NAALADL2: variants seen among roughly 807,000 people sequenced by gnomAD.
NAALADL2 encodes the protein inactive N-acetylated-alpha-linked acidic dipeptidase-like protein 2.
NAALADL2 carries 76 observed loss-of-function variants against 87.2 expected under a neutral mutation model. The observed-to-expected ratio is 0.87, with a 90% CI of 0.72 to 1.05. The LOEUF is 1.05. Ranked by LOEUF, NAALADL2 falls within the 50% of genes least tolerant of loss-of-function variation. The pLI is 0.00. For missense variants in NAALADL2, 1,089 were observed against 945.8 expected (o/e 1.15, Z -1.99); for synonymous variants, 354 against 331.0 (o/e 1.07, Z -0.75).
At chr3:175,319,590 C>G (rs144839215) in intron 4 of NAALADL2, among the ~76,000 whole-genome samples, 1 of 152,080 alleles carries the variant, frequency 6.6e-6, no homozygotes, top group African/African-American at 2.4e-5. Context: ...GAGGCCGAGT[C>G]GGCAATATCA....
At chr3:175,618,702 C>CT (rs1422884609) in intron 10 of NAALADL2, among the ~76,000 whole-genome samples, 1 of 152,074 alleles carries the variant, frequency 6.6e-6, no homozygotes, top group African/African-American at 2.4e-5. Flanking sequence ...CTTTTCTTCT[C>CT]TTTTTTTCCC....
At chr3:175,398,393 C>T (rs1383712438) in intron 5 of NAALADL2, among the ~76,000 whole-genome samples, 4 of 148,852 alleles carry the variant, frequency 2.7e-5, no homozygotes, top group African/African-American at 5.0e-5. Flanking sequence ...CGGATTGCCC[C>T]GGTCCTTTAA....
At chr3:175,398,695 G>T (rs1377692151) in intron 5 of NAALADL2, among the ~76,000 whole-genome samples, 1 of 151,908 alleles carries the variant, frequency 6.6e-6, no homozygotes, top group Non-Finnish European at 1.5e-5. Context: ...CTGTTTCCTG[G>T]AATTACATCG....
intron 1 of NAALADL2, among the ~76,000 whole-genome samples, chr3:174,901,744 T>C (rs2108259942): frequency 6.6e-6 from 1 of 152,266 alleles, no homozygotes; most frequent in African/African-American, 2.4e-5. Context: ...AGTGGGTGAT[T>C]TGGTGTACTT....
chr3:174,893,504 TAGTC>T (rs557703032), intron 1 of NAALADL2, among the ~76,000 whole-genome samples: 66 of 152,216 alleles, frequency 4.3e-4, no homozygotes, highest in African/African-American at 1.2e-3. Flanking sequence ...TTTCAAGACA[TAGTC>T]AGTACAATAA....
At chr3:175,385,977 C>T (rs1238698209) in intron 5 of NAALADL2, among the ~76,000 whole-genome samples, 3 of 151,820 alleles carry the variant, frequency 2.0e-5, no homozygotes, top group Admixed American at 6.6e-5. Context: ...ACCAATGGCC[C>T]CTCAGATAAA....
intron 1 of NAALADL2, among the ~76,000 whole-genome samples, chr3:174,907,574 C>T (rs1052102053): frequency 1.3e-5 from 2 of 152,016 alleles, no homozygotes; most frequent in African/African-American, 4.8e-5. Flanking sequence ...AGAGAAAAAC[C>T]ACGTCCCTAA....
At chr3:175,598,656 A>G (rs1401439160) in intron 10 of NAALADL2, among the ~76,000 whole-genome samples, 1 of 152,088 alleles carries the variant, frequency 6.6e-6, no homozygotes, top group Non-Finnish European at 1.5e-5. Flanking sequence ...TAGGTCTTCA[A>G]ATGTTAAAGC....
chr3:174,769,110 A>AT (rs1343793433), intron 3 of NAALADL2, among the ~76,000 whole-genome samples: 1 of 151,928 alleles, frequency 6.6e-6, no homozygotes, highest in Non-Finnish European at 1.5e-5. Flanking sequence ...CTGGAAGATA[A>AT]TTTTTTAAAT....
intron 9 of NAALADL2, among the ~76,000 whole-genome samples, chr3:175,487,905 G>T (rs1053851081): frequency 6.6e-6 from 1 of 152,094 alleles, no homozygotes; most frequent in Admixed American, 6.6e-5. Flanking sequence ...TTCCTTTACT[G>T]TATATCTATC....
intron 2 of NAALADL2, among the ~76,000 whole-genome samples, chr3:174,557,701 T>G (rs1266256711): frequency 3.9e-5 from 2 of 51,652 alleles, no homozygotes; most frequent in Admixed American, 1.9e-4. Context: ...ACTAGAACTG[T>G]TTTTTTTTGT....
At chr3:174,526,548 A>T (rs1720765051) in intron 1 of NAALADL2, among the ~76,000 whole-genome samples, 5 of 152,250 alleles carry the variant, frequency 3.3e-5, no homozygotes, top group African/African-American at 7.2e-5. Context: ...ATGGATCATG[A>T]TAATTGATGA....
intron 5 of NAALADL2, among the ~76,000 whole-genome samples, chr3:175,383,992 C>T (rs1768079722): frequency 1.3e-5 from 2 of 152,036 alleles, no homozygotes; most frequent in Admixed American, 6.6e-5. Flanking sequence ...TTCATGCAAC[C>T]CTGTTTTCAT....
At chr3:174,497,869 A>C (rs1001811749) in intron 1 of NAALADL2, among the ~76,000 whole-genome samples, 5 of 152,160 alleles carry the variant, frequency 3.3e-5, no homozygotes, top group Middle Eastern at 3.2e-3. Context: ...AATGTAAAAA[A>C]CTGAAAGATA....
intron 1 of NAALADL2, among the ~76,000 whole-genome samples, chr3:174,962,424 T>TATGTCATAGTCACTATGAC (rs1742236759): frequency 7.0e-6 from 1 of 142,254 alleles, no homozygotes; most frequent in African/African-American, 2.6e-5. Flanking sequence ...TATATATATA[T>TATGTCATAGTCACTATGAC]ATATATATGT....
intron 9 of NAALADL2, among the ~76,000 whole-genome samples, chr3:175,565,656 C>G (rs560926369): frequency 6.6e-6 from 1 of 151,994 alleles, no homozygotes; most frequent in African/African-American, 2.4e-5. Context: ...TATCTGTTCT[C>G]TCCCCAGTGA....
intron 2 of NAALADL2, among the ~76,000 whole-genome samples, chr3:175,106,868 G>T (rs988544429): frequency 6.6e-6 from 1 of 151,634 alleles, no homozygotes; most frequent in Admixed American, 6.6e-5. Context: ...GATTTACAGG[G>T]GAACATTTAA....
At chr3:175,392,031 G>A (rs576947456) in intron 5 of NAALADL2, among the ~76,000 whole-genome samples, 2 of 152,298 alleles carry the variant, frequency 1.3e-5, no homozygotes, top group African/African-American at 4.8e-5. Context: ...AGAAATTGAA[G>A]TTTGGAGATA....
intron 2 of NAALADL2, among the ~76,000 whole-genome samples, chr3:174,615,769 C>T (rs1720404039): frequency 6.6e-6 from 1 of 151,936 alleles, no homozygotes; most frequent in Non-Finnish European, 1.5e-5. Flanking sequence ...GGGATCAGTA[C>T]TAGGAGTTTA....
Sources: gnomAD v4.1 joint callset for allele counts (sites outside exome capture counted in the v4.1 genomes callset) on GRCh38, gnomAD v4.1.1 for gene constraint, MANE v1.5 for transcripts, NCBI Gene and HGNC (gene_info 2026-07-23, HGNC 2026-07-21) for gene names.